DNAH3: variants seen among roughly 807,000 people sequenced by gnomAD.
DNAH3 encodes the protein axonemal beta dynein heavy chain 3.
DNAH3 carries 332 observed loss-of-function variants against 432.5 expected under a neutral mutation model. That is an observed-to-expected ratio of 0.77 (90% CI 0.70 to 0.84). The LOEUF (loss-of-function observed/expected upper bound fraction) is 0.84. Among genes scored for constraint, DNAH3 ranks in the 40% least tolerant of loss-of-function variants. The pLI is 0.00. For synonymous variants in DNAH3, 1,956 were observed against 1,900.2 expected, an observed-to-expected ratio of 1.03 and a Z score of -0.76; for missense variants, 4,861 against 5,114.0, an observed-to-expected ratio of 0.95 and a Z score of 1.51.
At position 20,997,384 on chromosome 16, in the gene DNAH3, C is replaced by G. The variant is rs199743210; in HGVS notation, c.6500G>C (p.Gly2167Ala). The G allele has an allele frequency of 9.0e-5, 146 of 1,614,058 alleles. No homozygotes were observed. The highest frequency in any genetic ancestry group is 1.0e-4 in the Non-Finnish European group (118 of 1,180,036). ...TGTGTCTTTTTTGTCAAACCAGTAA[C>G]CATGGTCAATCCACTGCCTCAGGAG... The change falls in exon 44 of 62, where the codon GGT (glycine) becomes GCT (alanine). Residue 2167 changes from glycine to alanine, a missense_variant. Physicochemically the swap from Gly to Ala is moderately conservative, Grantham distance 60 (BLOSUM62 0). Coordinates refer to ENST00000261383, the Ensembl canonical transcript of DNAH3.
chr16:21,074,698 A>G (rs576285541), intron 21 of DNAH3, among the ~76,000 whole-genome samples: 1 of 152,140 alleles, frequency 6.6e-6, no homozygotes, highest in Non-Finnish European at 1.5e-5. Context: ...TGGGTGACAG[A>G]GCAAGGCTCC....
intron 58 of DNAH3, among the ~76,000 whole-genome samples, chr16:20,941,940 C>G (rs556529469): frequency 6.9e-6 from 1 of 144,424 alleles, no homozygotes; most frequent in East Asian, 2.2e-4. Flanking sequence ...TGCTGCATGC[C>G]TATGGTCCCA....
intron 21 of DNAH3, among the ~76,000 whole-genome samples, chr16:21,073,621 T>C (rs1210571613): frequency 6.6e-6 from 1 of 152,238 alleles, no homozygotes; most frequent in Non-Finnish European, 1.5e-5. Context: ...AAGATCTTTC[T>C]GTCCATCTTT....
At chr16:20,936,938 T>C (rs2083614033) in intron 59 of DNAH3, 85 bp from the exon 60 acceptor site, 2 of 1,073,804 alleles carry the variant, frequency 1.9e-6, no homozygotes, top group African/African-American at 3.2e-5. Context: ...CCCTTTAAAA[T>C]GTCAGTTAAT....
At chr16:21,023,710 G>T (rs550102814) in intron 39 of DNAH3, among the ~76,000 whole-genome samples, 9 of 151,886 alleles carry the variant, frequency 5.9e-5, no homozygotes, top group Non-Finnish European at 1.2e-4. Context: ...GCCCTGATAA[G>T]GAGTTAAACT....
chr16:21,075,043 G>T (rs778828601), intron 21 of DNAH3, among the ~76,000 whole-genome samples: 3 of 152,128 alleles, frequency 2.0e-5, no homozygotes, highest in Non-Finnish European at 4.4e-5. Flanking sequence ...ATCAGAACCC[G>T]CATTTCAACA....
chr16:20,937,400 TCAA>T (rs2083632044), intron 59 of DNAH3, among the ~76,000 whole-genome samples: 1 of 152,204 alleles, frequency 6.6e-6, no homozygotes, highest in Non-Finnish European at 1.5e-5. Context: ...GTTGTCACTA[TCAA>T]CAACATTGCT....
chr16:21,034,075 A>C, exon 36 of DNAH3: 2 of 1,610,116 alleles, frequency 1.2e-6, no homozygotes, highest in Non-Finnish European at 1.7e-6. Flanking sequence ...CACCAGCATC[A>C]TTTCGTAGAT....
intron 16 of DNAH3, among the ~76,000 whole-genome samples, chr16:21,101,640 C>G (rs909223126): frequency 2.6e-5 from 4 of 152,150 alleles, no homozygotes; most frequent in African/African-American, 9.7e-5. Context: ...AAATAGCAGA[C>G]AGTGAGGCAC....
In DNAH3 at chr16:20,975,919, AT is replaced by A. The variant is rs1055699114; in HGVS notation, c.8077-505del. Among the ~76,000 whole-genome samples the A allele has an allele frequency of 6.6e-5, 10 of 151,980 alleles. No individual in the cohort carries two copies. The East Asian group carries it at 1.9e-3, about 29-fold the overall frequency. ...ACCACCACGCCTGGCTAATTTTTAT[AT>A]TTTTAGTAGAGACGAAGTTTCACCA... On this transcript the variant is annotated intron_variant, in intron 50 of 61. Coordinates refer to ENST00000261383, the Ensembl canonical transcript of DNAH3.
intron 6 of DNAH3, among the ~76,000 whole-genome samples, chr16:21,136,038 A>G (rs28533480): frequency 0.25 from 37,276 of 151,958 alleles, 4,670 homozygotes; most frequent in East Asian, 0.31. Flanking sequence ...AGGGGGATGC[A>G]GGACTTTGAA....
intron 48 of DNAH3, 78 bp downstream of exon 48, chr16:20,984,971 G>A (rs2152668570): frequency 8.2e-7 from 1 of 1,224,430 alleles, no homozygotes; most frequent in East Asian, 2.3e-5. Flanking sequence ...CATTGTAAGG[G>A]ATTGGCCTGC....
intron 23 of DNAH3, 25 bp from the exon 24 acceptor site, chr16:21,067,444 A>T (rs372973016): frequency 1.2e-6 from 2 of 1,612,380 alleles, no homozygotes; most frequent in Non-Finnish European, 1.7e-6. Context: ...AAAAAGTGAG[A>T]CTCATCATAA....
At chr16:21,128,819 A>T (rs941140190) in intron 7 of DNAH3, among the ~76,000 whole-genome samples, 5 of 150,340 alleles carry the variant, frequency 3.3e-5, no homozygotes, top group Admixed American at 6.7e-5. Flanking sequence ...TGATTGCATC[A>T]CTGCACTCCA....
At chr16:20,987,602 A>G in intron 46 of DNAH3, 91 bp downstream of exon 46, 1 of 1,553,346 alleles carries the variant, frequency 6.4e-7, no homozygotes, top group Non-Finnish European at 8.8e-7. Context: ...CTAAGTGCCT[A>G]ATAAAAGTTA....
intron 1 of DNAH3, among the ~76,000 whole-genome samples, chr16:21,156,646 A>G (rs1057032131): frequency 1.3e-5 from 2 of 152,108 alleles, no homozygotes; most frequent in African/African-American, 2.4e-5. Context: ...AGGAACAGAC[A>G]TTCAGTCCAT....
intron 9 of DNAH3, among the ~76,000 whole-genome samples, chr16:21,124,774 C>G (rs540649037): frequency 6.6e-6 from 1 of 152,206 alleles, no homozygotes; most frequent in East Asian, 1.9e-4. Flanking sequence ...CTCAGCCTCC[C>G]GAGTAGTTGG....
chr16:21,142,229 T>C (rs972886333), intron 3 of DNAH3, among the ~76,000 whole-genome samples: 2 of 151,758 alleles, frequency 1.3e-5, no homozygotes, highest in African/African-American at 4.8e-5. Context: ...TAGCCAGGCA[T>C]GGTGGCACAC....
At chr16:21,102,366 G>T (rs552967921) in intron 16 of DNAH3, among the ~76,000 whole-genome samples, 1 of 152,332 alleles carries the variant, frequency 6.6e-6, no homozygotes, top group East Asian at 1.9e-4. Flanking sequence ...ATTGGTCTTG[G>T]AGTAATATTC....
Sources: gnomAD v4.1 joint callset for allele counts (sites outside exome capture counted in the v4.1 genomes callset) on GRCh38, gnomAD v4.1.1 for gene constraint, MANE v1.5 for transcripts, NCBI Gene and HGNC (gene_info 2026-07-23, HGNC 2026-07-21) for gene names.